Variants in FAAH2 observed in about 807,000 individuals in gnomAD.
FAAH2 encodes fatty-acid amide hydrolase 2.
A neutral mutation model predicts 36.9 loss-of-function variants in FAAH2; 60 were observed. That is an observed-to-expected ratio of 1.63 (90% CI 1.32 to 2.02). The LOEUF (loss-of-function observed/expected upper bound fraction) is 2.02, where lower values mean the gene tolerates loss of function less well. FAAH2 is among the 30% of genes most tolerant of loss of function. The probability of loss-of-function intolerance (pLI) is 0.00; values close to 1 mark genes in which losing one functional copy is unlikely to be tolerated. For synonymous variants in FAAH2, 214 were observed against 143.8 expected (o/e 1.49, Z -3.49); for missense variants, 689 against 397.5 (o/e 1.73, Z -6.23).
intron 10 of FAAH2, among the ~76,000 whole-genome samples, 169 bp from the exon 11 acceptor site, chrX:57,488,588 T>C (rs2057516571): frequency 8.9e-6 from 1 of 112,123 alleles, no homozygotes; most frequent in African/African-American, 3.2e-5. Flanking sequence ...GAGCTTGTTG[T>C]GATGTCAAAT....
chrX:57,279,152 AC>A, the FAAH2 span, among the ~76,000 whole-genome samples: 1 of 112,415 alleles, frequency 8.9e-6, no homozygotes, highest in South Asian at 3.7e-4. Context: ...AAACATGAAC[AC>A]GTATGTTTAT....
chrX:57,383,987 T>C (rs1437511601), intron 7 of FAAH2, among the ~76,000 whole-genome samples: 1 of 111,282 alleles, frequency 9.0e-6, no homozygotes, highest in Non-Finnish European at 1.9e-5. Flanking sequence ...TATAGCCCAA[T>C]GGAACAGAAC....
At chrX:57,467,021 T>G (rs1431677) in intron 10 of FAAH2, among the ~76,000 whole-genome samples, 59,373 of 109,655 alleles carry the variant, frequency 0.54, 14,382 homozygotes, top group Non-Finnish European at 0.75. Context: ...TTGCTGCTGT[T>G]GTTTTTGTTG....
chrX:57,417,626 C>A (rs2055879352), intron 7 of FAAH2, among the ~76,000 whole-genome samples: 1 of 111,708 alleles, frequency 9.0e-6, no homozygotes. Flanking sequence ...GGGCAACTTC[C>A]AGATGCCAGC....
intron 2 of FAAH2, among the ~76,000 whole-genome samples, chrX:57,294,572 A>G (rs1399691265): frequency 8.9e-6 from 1 of 111,779 alleles, no homozygotes; most frequent in African/African-American, 3.2e-5. Flanking sequence ...TTTATTTATC[A>G]TCATGTCAAA....
chrX:57,393,147 G>T, intron 7 of FAAH2: 1 of 1,094,418 alleles, frequency 9.1e-7, no homozygotes, highest in Non-Finnish European at 1.3e-6. Flanking sequence ...ATGAGGTCCA[G>T]CTCAGTCTCT....
intron 10 of FAAH2, among the ~76,000 whole-genome samples, chrX:57,466,154 C>CTATATATATATATATATA (rs1371319859): frequency 1.6e-4 from 11 of 66,895 alleles, no homozygotes; most frequent in African/African-American, 2.4e-4. Context: ...CTCTCTCTCT[C>CTATATATATATATATATA]TCTATATATA....
intron 3 of FAAH2, among the ~76,000 whole-genome samples, chrX:57,321,896 T>A (rs948463487): frequency 1.5e-4 from 17 of 112,190 alleles, no homozygotes; most frequent in Non-Finnish European, 3.0e-4. Flanking sequence ...ACCTATTATT[T>A]CCATATTTAG....
chrX:57,384,482 AAAAC>A (rs1310401335), intron 7 of FAAH2, among the ~76,000 whole-genome samples: 1 of 109,854 alleles, frequency 9.1e-6, no homozygotes, highest in South Asian at 4.0e-4. Flanking sequence ...TTACAAGAAA[AAAAC>A]AAACAACCCC....
intron 4 of FAAH2, among the ~76,000 whole-genome samples, chrX:57,336,264 C>T (rs1049616746): frequency 1.8e-5 from 2 of 110,884 alleles, no homozygotes; most frequent in African/African-American, 6.6e-5. Flanking sequence ...CCATTCTGCC[C>T]GCCAGAGAAG....
At chrX:57,418,431 T>A (rs1306941005) in intron 7 of FAAH2, among the ~76,000 whole-genome samples, 1 of 110,927 alleles carries the variant, frequency 9.0e-6, no homozygotes, top group African/African-American at 3.3e-5. Context: ...TGGGGCCGTA[T>A]TGCACCATCC....
At chrX:57,470,696 G>T (rs984987466) in intron 10 of FAAH2, among the ~76,000 whole-genome samples, 6 of 111,408 alleles carry the variant, frequency 5.4e-5, no homozygotes, top group African/African-American at 2.0e-4. Context: ...CATTACTTCT[G>T]AAACTATTCC....
upstream of FAAH2, among the ~76,000 whole-genome samples, chrX:57,286,431 G>C (rs1351023295): frequency 9.0e-6 from 1 of 111,274 alleles, no homozygotes; most frequent in Non-Finnish European, 1.9e-5. Context: ...TAGTGTTTAT[G>C]GTAACCCTTT....
At chrX:57,257,608 G>A in the FAAH2 span, among the ~76,000 whole-genome samples, 1 of 110,376 alleles carries the variant, frequency 9.1e-6, no homozygotes, top group Non-Finnish European at 1.9e-5. Flanking sequence ...GGGTTGATGG[G>A]TGCAGCAAAC....
intron 7 of FAAH2, among the ~76,000 whole-genome samples, chrX:57,402,661 G>A (rs1420870584): frequency 2.7e-5 from 3 of 111,874 alleles, no homozygotes; most frequent in Non-Finnish European, 5.6e-5. Context: ...TGTCTCTCCA[G>A]AAAGGAAGTA....
rs2054753214 is a variant in FAAH2, at chrX:57,378,704, T to C, written c.796T>C (p.Phe266Leu). The change falls in exon 6 of 11, where the codon TTT (phenylalanine) becomes CTT (leucine). Residue 266 changes from phenylalanine to leucine, a missense_variant. Phe to Leu is a conservative substitution (Grantham distance 22, BLOSUM62 0). Coordinates refer to ENST00000374900, the MANE Select transcript of FAAH2 (RefSeq NM_174912.4). ...CTTGGCTGTGGGAGCCCAGGAGTTG[T>C]TTCTGTGCACTGGTCCTATGTGCCG... ...FPLAVGAQEL[F>L]LCTGPMCRYA... 1.7e-6 allele frequency: 2 copies of C among 1,211,186 alleles called. No homozygotes were observed. The highest frequency in any genetic ancestry group is 2.2e-6 in the Non-Finnish European group (2 of 895,191).
At chrX:57,166,022 CTGGTTGT>C in the FAAH2 span, among the ~76,000 whole-genome samples, 6 of 111,057 alleles carry the variant, frequency 5.4e-5, no homozygotes, top group Non-Finnish European at 1.1e-4. Flanking sequence ...ACACAGGTGG[CTGGTTGT>C]TGAGAGGAGC....
intron 8 of FAAH2, among the ~76,000 whole-genome samples, chrX:57,439,398 T>A (rs1247611151): frequency 1.8e-5 from 2 of 112,207 alleles, no homozygotes; most frequent in Non-Finnish European, 3.8e-5. Flanking sequence ...CATAAATGTC[T>A]TCTTTTGAGA....
At chrX:57,158,744 G>A in the FAAH2 span, among the ~76,000 whole-genome samples, 1 of 111,551 alleles carries the variant, frequency 9.0e-6, no homozygotes, top group South Asian at 3.8e-4. Flanking sequence ...CTGGATATTA[G>A]CCCTTTGTCA....
Sources: gnomAD v4.1 joint callset for allele counts (sites outside exome capture counted in the v4.1 genomes callset) on GRCh38, gnomAD v4.1.1 for gene constraint, MANE v1.5 for transcripts, NCBI Gene and HGNC (gene_info 2026-07-23, HGNC 2026-07-21) for gene names.